The following EDRF1 variants were observed in gnomAD, a reference collection of about 807,000 sequenced individuals.
EDRF1 encodes erythroid differentiation-related factor 1.
A neutral mutation model predicts 148.7 loss-of-function variants in EDRF1; 69 were observed. The ratio of observed to expected loss-of-function variants is 0.46; its 90% CI spans 0.38 to 0.57. The LOEUF is 0.57. Among genes scored for constraint, EDRF1 ranks in the 20% least tolerant of loss-of-function variants. The probability of loss-of-function intolerance (pLI) is 0.00; values close to 1 mark genes in which losing one functional copy is unlikely to be tolerated. For missense variants in EDRF1, 1,118 were observed against 1,478.7 expected (o/e 0.76, Z 4.00); for synonymous variants, 515 against 532.8 (o/e 0.97, Z 0.46).
rs188844994 is a variant in EDRF1 at position 125,740,404 on chromosome 10, T to A, written c.1982-59T>A. ...ATCAAGAAACAGAAAATATTTTTTG[T>A]GCATGAGACTTACAGTCAAATGAAA... On this transcript the variant is annotated intron_variant, in intron 15 of 24. Transcript: ENST00000356792. The A allele has an allele frequency of 1.2e-3, 1,904 of 1,552,508 alleles. 11 individuals carry two copies. The highest frequency in any genetic ancestry group is 5.9e-4 in the Non-Finnish European group (665 of 1,129,200).
chr10:125,752,762 T>C (rs1450084101), intron 22 of EDRF1, 37 bp from the exon 23 acceptor site: 1 of 1,373,022 alleles, frequency 7.3e-7, no homozygotes. Context: ...TCTAGATTTA[T>C]ATTAAAGAAA....
intron 21 of EDRF1, chr10:125,748,303 A>G (rs760124751): frequency 1.1e-5 from 5 of 460,280 alleles, no homozygotes; most frequent in Non-Finnish European, 2.0e-5. Context: ...TGGCACACGT[A>G]GCTGTTCATT....
At chr10:125,730,137 A>G (rs956834464) in intron 8 of EDRF1, 151 bp from the exon 9 acceptor site, 5 of 627,216 alleles carry the variant, frequency 8.0e-6, no homozygotes, top group South Asian at 1.9e-5. Flanking sequence ...ACTGAGCTGC[A>G]TGTGCATATC....
intron 6 of EDRF1, among the ~76,000 whole-genome samples, chr10:125,726,855 T>G (rs1349504114): frequency 1.3e-5 from 2 of 152,164 alleles, no homozygotes; most frequent in African/African-American, 2.4e-5. Context: ...AAAGACTACA[T>G]AATACAAATA....
At chr10:125,743,645 C>T (rs1849151787) in intron 18 of EDRF1, among the ~76,000 whole-genome samples, 1 of 152,000 alleles carries the variant, frequency 6.6e-6, no homozygotes, top group Non-Finnish European at 1.5e-5. Context: ...TGAGTACCGA[C>T]GAAGTATAAT....
Position 125,741,316 on chromosome 10 carries a change from A to G in EDRF1, c.2371+115A>G, listed in dbSNP as rs756511152. 11 of 989,666 alleles carry G rather than the reference A, an allele frequency of 1.1e-5. No homozygotes were observed. The Admixed American group carries it at 2.0e-4, about 18-fold the overall frequency. 61.3% of individuals were successfully genotyped at this position (989,666 alleles called of 1,614,324 possible). A position where few individuals can be genotyped will look rare whatever the true frequency, so the allele number is the denominator to read the frequency against. ...ATTAGAGTTTTGATATTTGCTCTGT[A>G]TTTATTTATTTATTTTTTGAGACGG... is the stretch of plus-strand genomic sequence containing the variant. On this transcript the variant is annotated intron_variant, in intron 17 of 24. Coordinates refer to ENST00000356792, the MANE Select transcript of EDRF1 (RefSeq NM_001202438.2).
At chr10:125,761,194 C>G (rs768651427) in intron 24 of EDRF1, 5 of 382,898 alleles carry the variant, frequency 1.3e-5, no homozygotes, top group South Asian at 1.0e-4. Flanking sequence ...ATGCATTTTA[C>G]TTGTTTAAAA....
Position 125,747,401 on chromosome 10 carries a change from C to T in EDRF1, c.2815-135C>T. The T allele has an allele frequency of 5.0e-6, 5 of 1,007,954 alleles. No individual in the cohort carries two copies. In the Admixed American group the frequency reaches 6.0e-5, roughly 12 times the overall value. The allele number at this position is 1,007,954 out of a possible 1,614,324, so 62.4% of individuals were successfully genotyped here. The stretch of plus-strand genomic sequence containing the variant: ...CATTGACTTACTTTTTTCATTTCCT[C>T]ATAATATTGTCTCTTTATAAATTAT... On this transcript the variant is annotated intron_variant, in intron 19 of 24. Transcript: ENST00000356792.
At chr10:125,728,191 CAAA>C (rs36039615) in intron 6 of EDRF1, among the ~76,000 whole-genome samples, 10 of 128,900 alleles carry the variant, frequency 7.8e-5, no homozygotes, top group African/African-American at 1.3e-4. Context: ...AACTCTGTCT[CAAA>C]AAAAAAAAAA....
chr10:125,738,030 T>C (rs1333660975), intron 14 of EDRF1, 41 bp downstream of exon 14: 4 of 1,566,674 alleles, frequency 2.6e-6, no homozygotes, highest in Non-Finnish European at 3.5e-6. Context: ...GTAAAGTTTG[T>C]ACTTGATTAT....
rs191900396 is a variant in EDRF1, at chr10:125,743,415, T to G, written c.2590+139T>G. 2.7e-4 allele frequency: 192 copies of G among 700,132 alleles called. 1 individual carries two copies. The African/African-American group carries it at 3.0e-3, about 11-fold the overall frequency. The allele number at this position is 700,132 out of a possible 1,614,324, so 43.4% of individuals were successfully genotyped here. A position where few individuals can be genotyped will look rare whatever the true frequency, so the allele number is the denominator to read the frequency against. ...TCTATTAGAGAACCTCTTATTATTC[T>G]TAAGAAATAGAATTAGGAACACATG... On this transcript the variant is annotated intron_variant, in intron 18 of 24. Coordinates refer to ENST00000356792, the MANE Select transcript of EDRF1 (RefSeq NM_001202438.2).
rs927339855 is a variant in EDRF1 at position 125,756,691 on chromosome 10, A to G, written c.3545+2846A>G. On this transcript the variant is annotated intron_variant, in intron 24 of 24. Coordinates refer to ENST00000356792, the MANE Select transcript of EDRF1 (RefSeq NM_001202438.2). The stretch of plus-strand genomic sequence containing the variant: ...TACTACAGATGTCCGTCCCTCTTTG[A>G]TAATATAGCTACTCAACGTTCTTTT... 1.2e-5 allele frequency: 4 copies of G among 339,052 alleles called. No homozygotes were observed. The Admixed American group carries it at 1.8e-4, about 15-fold the overall frequency. 21.0% of individuals were successfully genotyped at this position (339,052 alleles called of 1,614,324 possible).
At chr10:125,759,271 G>A (rs1850072640) in intron 24 of EDRF1, among the ~76,000 whole-genome samples, 1 of 152,118 alleles carries the variant, frequency 6.6e-6, no homozygotes, top group Non-Finnish European at 1.5e-5. Flanking sequence ...AATGCTTACT[G>A]GCATCTGGCT....
Position 125,747,964 on chromosome 10 carries a change from C to A in EDRF1, c.3075C>A (p.Thr1025=), listed in dbSNP as rs1849449844. Residue 1025 remains threonine, a synonymous_variant, in exon 21 of 25, where the codon ACC becomes ACA. Coordinates refer to ENST00000356792, the MANE Select transcript of EDRF1 (RefSeq NM_001202438.2). ...CCCTTTGTCAGTATCGAGCTGCAACCATCCATCACAGGCTGGCCTCCATGT... is the reference window on the plus strand; with the variant it reads ...CCCTTTGTCAGTATCGAGCTGCAACAATCCATCACAGGCTGGCCTCCATGT... ...RQPLCQYRAA[T]IHHRLASMYH... is the part of the protein sequence containing the mutation. 6.2e-7 allele frequency: 1 copy of A among 1,614,088 alleles called. No individual in the cohort carries two copies. Among genetic ancestry groups the A allele is most frequent in the African/African-American group, 1.3e-5 (1 of 74,926 alleles).
chr10:125,753,004 G>GT, intron 23 of EDRF1, 90 bp downstream of exon 23: 1 of 868,172 alleles, frequency 1.2e-6, no homozygotes, highest in Non-Finnish European at 1.9e-6. Context: ...TATGTGTGTG[G>GT]GTATATATAC....
chr10:125,739,971 G>T (rs901862471), intron 15 of EDRF1, among the ~76,000 whole-genome samples: 3 of 152,190 alleles, frequency 2.0e-5, no homozygotes, highest in Non-Finnish European at 4.4e-5. Context: ...TAAGATGGGA[G>T]ATAGGAAAAA....
rs1263960623 is a variant in EDRF1 at position 125,747,312 on chromosome 10, T to G, written c.2815-224T>G. 4 of 569,740 alleles carry G rather than the reference T, an allele frequency of 7.0e-6. No homozygotes were observed. In the Admixed American group the frequency reaches 1.2e-4, roughly 17 times the overall value. The allele number at this position is 569,740 out of a possible 1,614,324, so 35.3% of individuals were successfully genotyped here. A position where few individuals can be genotyped will look rare whatever the true frequency, so the allele number is the denominator to read the frequency against. ...CAGCACGGATTGGCTTCTTGTAGCC[T>G]TGAGATGGGAACACAGAGTGGTCTT... On this transcript the variant is annotated intron_variant, in intron 19 of 24. Coordinates refer to ENST00000356792, the MANE Select transcript of EDRF1 (RefSeq NM_001202438.2).
intron 15 of EDRF1, among the ~76,000 whole-genome samples, chr10:125,739,980 A>C (rs895418547): frequency 1.3e-5 from 2 of 152,202 alleles, no homozygotes; most frequent in Admixed American, 1.3e-4. Flanking sequence ...AGATAGGAAA[A>C]ACAGGCATGT....
At chr10:125,762,674 C>A (rs1589886204) in intron 24 of EDRF1, among the ~76,000 whole-genome samples, 2 of 152,184 alleles carry the variant, frequency 1.3e-5, no homozygotes, top group Admixed American at 6.5e-5. Context: ...AGTCTTCACA[C>A]AGAATTGCAC....
Sources: gnomAD v4.1 joint callset for allele counts (sites outside exome capture counted in the v4.1 genomes callset) on GRCh38, gnomAD v4.1.1 for gene constraint, MANE v1.5 for transcripts, NCBI Gene and HGNC (gene_info 2026-07-23, HGNC 2026-07-21) for gene names.